Variants in THSD7B observed in about 807,000 individuals in gnomAD.
The protein encoded by THSD7B is thrombospondin type-1 domain-containing protein 7B.
In THSD7B, 138 loss-of-function variants were observed where a neutral mutation model predicts 213.6. That is an observed-to-expected ratio of 0.65 (90% CI 0.56 to 0.74). THSD7B has a LOEUF of 0.74. Ranked by LOEUF, THSD7B falls within the 30% of genes least tolerant of loss-of-function variation. The pLI is 0.00. For missense variants in THSD7B, 1,931 were observed against 1,991.5 expected (o/e 0.97, Z 0.58); for synonymous variants, 742 against 687.0 (o/e 1.08, Z -1.25).
chr2:136,813,362 A>G (rs1469516), intron 1 of THSD7B, among the ~76,000 whole-genome samples: 101,774 of 152,090 alleles, frequency 0.67, 34,370 homozygotes, highest in East Asian at 0.9. Context: ...GCCCCACAGT[A>G]TGACTACAAA....
intron 9 of THSD7B, among the ~76,000 whole-genome samples, chr2:137,234,363 C>T (rs983900713): frequency 6.6e-6 from 1 of 152,046 alleles, no homozygotes; most frequent in African/African-American, 2.4e-5. Context: ...GGGCCTGATC[C>T]ACACTGTCAT....
At chr2:137,653,736 C>CA in intron 21 of THSD7B, among the ~76,000 whole-genome samples, 1 of 151,580 alleles carries the variant, frequency 6.6e-6, no homozygotes, top group South Asian at 2.1e-4. Context: ...TTCAGTTCAG[C>CA]AAATGTAGTT....
chr2:137,642,702 A>G (rs1342128795), intron 21 of THSD7B, 69 bp downstream of exon 21: 2 of 1,527,848 alleles, frequency 1.3e-6, no homozygotes, highest in East Asian at 4.6e-5. Context: ...GGTCAAACCT[A>G]TGCGCTGATG....
At chr2:137,543,774 C>T (rs574896640) in intron 15 of THSD7B, among the ~76,000 whole-genome samples, 31 of 151,712 alleles carry the variant, frequency 2.0e-4, no homozygotes, top group Middle Eastern at 3.4e-3. Context: ...ACAACAGGAA[C>T]ACAAATAATC....
At chr2:137,354,332 T>C (rs1298093851) in intron 12 of THSD7B, among the ~76,000 whole-genome samples, 1 of 152,016 alleles carries the variant, frequency 6.6e-6, no homozygotes, top group Non-Finnish European at 1.5e-5. Context: ...AAATGTGTAA[T>C]GCGCAATGTT....
chr2:137,371,140 C>G (rs1451080474), intron 12 of THSD7B, among the ~76,000 whole-genome samples: 1 of 152,046 alleles, frequency 6.6e-6, no homozygotes, highest in Non-Finnish European at 1.5e-5. Context: ...TGGACTCAAC[C>G]TTGATATTTA....
At chr2:137,417,274 AT>A (rs1686818872) in intron 14 of THSD7B, among the ~76,000 whole-genome samples, 1 of 152,232 alleles carries the variant, frequency 6.6e-6, no homozygotes, top group African/African-American at 2.4e-5. Context: ...TGAATTTTAA[AT>A]AATTGAAATA....
chr2:137,463,875 T>C (rs1230254441), intron 15 of THSD7B, among the ~76,000 whole-genome samples: 1 of 152,100 alleles, frequency 6.6e-6, no homozygotes, highest in African/African-American at 2.4e-5. Flanking sequence ...CAAAAAGTTA[T>C]CTGTAAGACA....
chr2:137,342,927 GT>G (rs1684794804), intron 12 of THSD7B, among the ~76,000 whole-genome samples: 2 of 151,636 alleles, frequency 1.3e-5, no homozygotes, highest in Admixed American at 6.6e-5. Context: ...GTTGAATTCA[GT>G]TTGCAAGTTT....
intron 10 of THSD7B, among the ~76,000 whole-genome samples, chr2:137,266,969 C>T (rs1335524819): frequency 6.6e-6 from 1 of 152,146 alleles, no homozygotes; most frequent in African/African-American, 2.4e-5. Context: ...TGTGATGTTC[C>T]CCAGCTTACC....
chr2:136,816,988 C>G (rs1485397770), intron 1 of THSD7B, among the ~76,000 whole-genome samples: 1 of 152,088 alleles, frequency 6.6e-6, no homozygotes, highest in Non-Finnish European at 1.5e-5. Context: ...TGATTCTCTC[C>G]ATTTGCATTT....
At chr2:137,341,683 A>G (rs1684764802) in intron 12 of THSD7B, among the ~76,000 whole-genome samples, 1 of 151,680 alleles carries the variant, frequency 6.6e-6, no homozygotes, top group South Asian at 2.1e-4. Flanking sequence ...ATTCTTCTGC[A>G]TATAGATACC....
intron 12 of THSD7B, among the ~76,000 whole-genome samples, chr2:137,404,614 GATC>G (rs1410520017): frequency 6.8e-6 from 1 of 147,590 alleles, no homozygotes; most frequent in Non-Finnish European, 1.5e-5. Flanking sequence ...TACTATATAT[GATC>G]ATATATATGA....
At chr2:136,944,146 AGTC>A (rs1244854492) in intron 2 of THSD7B, among the ~76,000 whole-genome samples, 1 of 152,158 alleles carries the variant, frequency 6.6e-6, no homozygotes, top group Non-Finnish European at 1.5e-5. Context: ...TTTACCCAGT[AGTC>A]ATTCAGGAGC....
intron 27 of THSD7B, among the ~76,000 whole-genome samples, chr2:137,675,710 T>C (rs1406142958): frequency 6.6e-6 from 1 of 151,980 alleles, no homozygotes; most frequent in African/African-American, 2.4e-5. Context: ...TATAAAAGCA[T>C]GGAAGGTTGG....
At chr2:137,340,033 T>C (rs1684724890) in intron 12 of THSD7B, among the ~76,000 whole-genome samples, 1 of 151,880 alleles carries the variant, frequency 6.6e-6, no homozygotes, top group Non-Finnish European at 1.5e-5. Flanking sequence ...ACTTACTAGT[T>C]CAGTGTTTGG....
At chr2:136,801,547 C>T (rs1682178952) in intron 1 of THSD7B, among the ~76,000 whole-genome samples, 1 of 152,086 alleles carries the variant, frequency 6.6e-6, no homozygotes, top group South Asian at 2.1e-4. Context: ...GTCATGACTA[C>T]CTTTTTAAAT....
rs1686659651 is a variant in THSD7B, at chr2:137,411,790, TGGA to T, written c.2879_2881del (p.Gly960del). Reference sequence around the variant, plus strand: ...GGGTACAAGCAGACAGCAAAGAATGTGGAGAAGGCCTGCGCTTTCGAGCAGTAG... The same window carrying T: ...GGGTACAAGCAGACAGCAAAGAATGTGAAGGCCTGCGCTTTCGAGCAGTAG... On this transcript the variant is annotated inframe_deletion, in exon 14 of 28. Coordinates refer to ENST00000409968, the MANE Select transcript of THSD7B (RefSeq NM_001316349.2). The T allele has an allele frequency of 6.2e-7, 1 of 1,613,808 alleles. No homozygotes were observed. Among genetic ancestry groups the T allele is most frequent in the African/African-American group, 1.3e-5 (1 of 74,900 alleles).
intron 2 of THSD7B, among the ~76,000 whole-genome samples, chr2:137,027,600 A>T (rs1686579324): frequency 6.6e-6 from 1 of 152,174 alleles, no homozygotes; most frequent in African/African-American, 2.4e-5. Flanking sequence ...AGAGGAAATA[A>T]AGGTTTTGGT....
Sources: allele counts gnomAD v4.1 joint callset (sites outside exome capture counted in the v4.1 genomes callset), GRCh38; gene constraint gnomAD v4.1.1; transcripts MANE v1.5; gene names NCBI Gene and HGNC (gene_info 2026-07-23, HGNC 2026-07-21).